P3H2: variants seen among roughly 807,000 people sequenced by gnomAD.
The protein encoded by P3H2 is prolyl 3-hydroxylase 2.
In P3H2, 80 loss-of-function variants were observed where a neutral mutation model predicts 87.0. The observed-to-expected ratio is 0.92, with a 90% CI of 0.77 to 1.11. The LOEUF is 1.11. Among genes scored for constraint, P3H2 ranks in the 50% least tolerant of loss-of-function variants. The probability of loss-of-function intolerance (pLI) is 0.00; values close to 1 mark genes in which losing one functional copy is unlikely to be tolerated. For missense variants in P3H2, 1,001 were observed against 923.9 expected (o/e 1.08, Z -1.08); for synonymous variants, 367 against 359.3 (o/e 1.02, Z -0.24).
At chr3:189,962,813 G>A (rs1360382797) in intron 14 of P3H2, among the ~76,000 whole-genome samples, 2 of 152,164 alleles carry the variant, frequency 1.3e-5, no homozygotes, top group African/African-American at 2.4e-5. Flanking sequence ...TGAGAAAAAC[G>A]CATTATTTTT....
intron 1 of P3H2, among the ~76,000 whole-genome samples, chr3:190,041,809 G>A (rs1725644856): frequency 6.6e-6 from 1 of 152,034 alleles, no homozygotes; most frequent in South Asian, 2.1e-4. Context: ...AAACAATGCT[G>A]TGAACAGAAC....
chr3:190,056,333 A>G (rs1726153624), intron 1 of P3H2, among the ~76,000 whole-genome samples: 1 of 152,310 alleles, frequency 6.6e-6, no homozygotes, highest in South Asian at 2.1e-4. Context: ...TCCCCCTGAT[A>G]GAGACCACAG....
At chr3:190,063,396 T>G (rs1040912472) in intron 1 of P3H2, among the ~76,000 whole-genome samples, 2 of 152,220 alleles carry the variant, frequency 1.3e-5, no homozygotes, top group Non-Finnish European at 2.9e-5. Flanking sequence ...ACTTTTGCTC[T>G]GGTCAATACG....
chr3:189,972,014 G>T lies in P3H2; in HGVS notation c.1700-7C>A. ...TTTCTTCTATCCTGCTGACCTGCCA[G>T]AAAAGGGAATAGGGAAGAACGAGAA... On this transcript the variant is annotated splice_region_variant and splice_polypyrimidine_tract_variant and intron_variant, in intron 11 of 14. Coordinates refer to ENST00000319332, the MANE Select transcript of P3H2 (RefSeq NM_018192.4). 1 of 1,550,026 alleles carries T rather than the reference G, an allele frequency of 6.5e-7. No individual in the cohort carries two copies. Among genetic ancestry groups the T allele is most frequent in the African/African-American group, 1.4e-5 (1 of 73,696 alleles).
intron 1 of P3H2, among the ~76,000 whole-genome samples, chr3:189,996,544 C>A (rs1297017996): frequency 6.6e-6 from 1 of 152,128 alleles, no homozygotes; most frequent in Non-Finnish European, 1.5e-5. Context: ...TGTTCTATTG[C>A]ACAGTAGGAT....
At chr3:190,097,502 C>T (rs2108989534) in intron 1 of P3H2, among the ~76,000 whole-genome samples, 1 of 152,240 alleles carries the variant, frequency 6.6e-6, no homozygotes, top group Non-Finnish European at 1.5e-5. Flanking sequence ...AACAATGAGG[C>T]CCCCACATAC....
chr3:189,995,460 T>C lies in P3H2; in HGVS notation c.481-18A>G, dbSNP rs749319754. ...TGGTTAAGCTAAAGAGAAAAAAAAATGACCAAAATGAAGGCAAATATTTCC... is the reference window on the plus strand; with the variant it reads ...TGGTTAAGCTAAAGAGAAAAAAAAACGACCAAAATGAAGGCAAATATTTCC... On this transcript the variant is annotated intron_variant, in intron 1 of 14. Transcript: ENST00000319332. 9 of 1,608,406 alleles carry C rather than the reference T, an allele frequency of 5.6e-6. No individual in the cohort carries two copies. Among genetic ancestry groups the C allele is most frequent in the Non-Finnish European group, 7.6e-6 (9 of 1,178,548 alleles).
intron 1 of P3H2, among the ~76,000 whole-genome samples, chr3:190,051,414 A>G (rs2108961087): frequency 6.6e-6 from 1 of 152,354 alleles, no homozygotes; most frequent in African/African-American, 2.4e-5. Flanking sequence ...GGAAAAGGTA[A>G]AAATTTGCTC....
chr3:190,022,872 G>A (rs1432783432), intron 1 of P3H2, among the ~76,000 whole-genome samples: 2 of 151,940 alleles, frequency 1.3e-5, no homozygotes, highest in Admixed American at 6.6e-5. Flanking sequence ...TTTTGCCCAG[G>A]CCCGAGTGCA....
At chr3:190,027,013 C>T (rs1350781782) in intron 1 of P3H2, among the ~76,000 whole-genome samples, 1 of 152,198 alleles carries the variant, frequency 6.6e-6, no homozygotes, top group Non-Finnish European at 1.5e-5. Flanking sequence ...GAGCCAAGCA[C>T]TGTTTTAGGT....
chr3:190,096,495 T>C (rs529596407), intron 1 of P3H2, among the ~76,000 whole-genome samples: 26 of 152,304 alleles, frequency 1.7e-4, no homozygotes, highest in African/African-American at 5.1e-4. Context: ...TCCTGTGGAA[T>C]TGTGTCAATT....
At chr3:189,964,193 G>C (rs779551110) in intron 13 of P3H2, 95 bp from the exon 14 acceptor site, 13 of 1,156,758 alleles carry the variant, frequency 1.1e-5, no homozygotes, top group East Asian at 2.4e-5. Flanking sequence ...TTGAGTTAAG[G>C]CCTGAGGCGA....
At chr3:189,979,990 A>C (rs756192824) in intron 8 of P3H2, among the ~76,000 whole-genome samples, 8 of 152,030 alleles carry the variant, frequency 5.3e-5, no homozygotes, top group Middle Eastern at 3.2e-3. Flanking sequence ...ATAAAAAAAA[A>C]ATCTGGTGAG....
At chr3:189,983,212 C>A in intron 7 of P3H2, 72 bp from the exon 8 acceptor site, 2 of 1,132,502 alleles carry the variant, frequency 1.8e-6, no homozygotes, top group Non-Finnish European at 2.7e-6. Flanking sequence ...GAATACTTTA[C>A]CAAGGTAGTC....
At chr3:190,055,440 G>T (rs1157131597) in intron 1 of P3H2, among the ~76,000 whole-genome samples, 1 of 149,826 alleles carries the variant, frequency 6.7e-6, no homozygotes, top group Non-Finnish European at 1.5e-5. Context: ...TAACAAAAAA[G>T]ATTTAAATTC....
intron 1 of P3H2, among the ~76,000 whole-genome samples, chr3:190,006,672 G>A (rs181082675): frequency 7.2e-5 from 11 of 152,314 alleles, no homozygotes; most frequent in Middle Eastern, 6.8e-3. Flanking sequence ...GGAGAAATGT[G>A]AAATCACAGT....
chr3:189,994,190 C>T lies in P3H2; in HGVS notation c.727G>A (p.Glu243Lys), dbSNP rs376765314. The T allele has an allele frequency of 4.5e-5, 73 of 1,613,716 alleles. No individual in the cohort carries two copies. Among genetic ancestry groups the T allele is most frequent in the Non-Finnish European group, 6.1e-5 (72 of 1,179,888 alleles). ...FEQALREYFV[E>K]DTECRTLCEG... ...CATAGGGTCCGGCATTCTGTATCTT[C>T]AACGAAATATTCTCTTAAGGCTTGT... Residue 243 changes from glutamate (E) to lysine (K), a missense_variant, in exon 3 of 15, where the codon GAA (glutamate) becomes AAA (lysine). Glu to Lys is a moderately conservative substitution (Grantham distance 56). Transcript: ENST00000319332.
At chr3:189,958,398 C>T (rs563965450) in intron 14 of P3H2, among the ~76,000 whole-genome samples, 16 of 152,290 alleles carry the variant, frequency 1.1e-4, no homozygotes, top group Admixed American at 3.3e-4. Context: ...CCTTAAAAGC[C>T]CGACCATGGT....
At chr3:189,958,358 C>A (rs1369920506) in intron 14 of P3H2, among the ~76,000 whole-genome samples, 1 of 152,168 alleles carries the variant, frequency 6.6e-6, no homozygotes, top group Non-Finnish European at 1.5e-5. Flanking sequence ...GGCTCTCTCT[C>A]GGTAAAGACC....
Sources: gnomAD v4.1 joint callset for allele counts (sites outside exome capture counted in the v4.1 genomes callset) on GRCh38, gnomAD v4.1.1 for gene constraint, MANE v1.5 for transcripts, NCBI Gene and HGNC (gene_info 2026-07-23, HGNC 2026-07-21) for gene names.